Variants in HMOX2 observed in about 807,000 individuals in gnomAD.
HMOX2 encodes heme oxygenase (decycling) 2.
In HMOX2, 30 loss-of-function variants were observed where a neutral mutation model predicts 33.7. The ratio of observed to expected loss-of-function variants is 0.89; its 90% CI spans 0.67 to 1.21. The LOEUF (loss-of-function observed/expected upper bound fraction) is 1.21. HMOX2 is among the 50% of genes most tolerant of loss of function. The pLI is 0.00. For missense variants in HMOX2, 403 were observed against 399.1 expected, an observed-to-expected ratio of 1.01 and a Z score of -0.08; for synonymous variants, 155 against 155.0, an observed-to-expected ratio of 1.00 and a Z score of 0.00.
chr16:4,505,647 G>T (rs1393867649), intron 2 of HMOX2, 37 bp downstream of exon 2: 2 of 1,406,530 alleles, frequency 1.4e-6, no homozygotes, highest in Non-Finnish European at 2.0e-6. Flanking sequence ...AATCAGGTGG[G>T]CCCAGCACCT....
chr16:4,508,339 C>A (rs1596477835), intron 4 of HMOX2, 135 bp downstream of exon 4: 2 of 993,922 alleles, frequency 2.0e-6, no homozygotes, highest in East Asian at 5.0e-5. Flanking sequence ...AAGGTGGCCA[C>A]CAGATTGGCC....
At chr16:4,487,120 A>G (rs2090090910) in intron 1 of HMOX2, among the ~76,000 whole-genome samples, 1 of 152,076 alleles carries the variant, frequency 6.6e-6, no homozygotes, top group African/African-American at 2.4e-5. Flanking sequence ...TTAGCTAGAC[A>G]TGGTAGTGAA....
Position 4,510,041 on chromosome 16 carries a change from A to G in HMOX2, c.*285A>G. The G allele has an allele frequency of 4.2e-6, 2 of 472,998 alleles. No homozygotes were observed. The highest frequency in any genetic ancestry group is 7.0e-5 in the Admixed American group (2 of 28,608). The allele number at this position is 472,998 out of a possible 1,614,324, so 29.3% of individuals were successfully genotyped here. The stretch of plus-strand genomic sequence containing the variant: ...CCAGGCTTCCACACTTCTGGGCCCT[A>G]GGCTGCTTCCGGTAGTCCCTGTTTT... On this transcript the variant is annotated 3_prime_UTR_variant, in exon 6 of 6. Coordinates refer to ENST00000570646, the MANE Select transcript of HMOX2 (RefSeq NM_002134.4).
intron 1 of HMOX2, among the ~76,000 whole-genome samples, chr16:4,484,658 A>G (rs2058121648): frequency 6.6e-6 from 1 of 151,244 alleles, no homozygotes; most frequent in Admixed American, 6.6e-5. Context: ...GTGAGGTTTC[A>G]CCATATTGGC....
At chr16:4,502,082 G>A (rs2058573191) in intron 1 of HMOX2, among the ~76,000 whole-genome samples, 2 of 152,182 alleles carry the variant, frequency 1.3e-5, no homozygotes, top group Non-Finnish European at 2.9e-5. Context: ...CCACCACCAT[G>A]CCTGGCTCAT....
At chr16:4,489,724 G>A (rs900571038) in intron 1 of HMOX2, among the ~76,000 whole-genome samples, 3 of 152,128 alleles carry the variant, frequency 2.0e-5, no homozygotes, top group Non-Finnish European at 4.4e-5. Context: ...CTCCCAAGGC[G>A]CTGGGATTAC....
At chr16:4,508,923 C>T (rs1054059422) in intron 4 of HMOX2, among the ~76,000 whole-genome samples, 4 of 152,168 alleles carry the variant, frequency 2.6e-5, no homozygotes, top group Admixed American at 1.3e-4. Context: ...ATATCCACAC[C>T]TCCCCAGAGC....
At chr16:4,475,113 G>C (rs182567035), upstream of HMOX2, among the ~76,000 whole-genome samples, 1 of 151,752 alleles carries the variant, frequency 6.6e-6, no homozygotes, top group Admixed American at 6.6e-5. Flanking sequence ...CACCAAGCCC[G>C]GCTAATTTTT....
At chr16:4,496,656 A>T (rs934173227) in intron 1 of HMOX2, 1 of 152,164 alleles carries the variant, frequency 6.6e-6, no homozygotes, top group East Asian at 1.9e-4. Context: ...TTTAGTCTCA[A>T]CTTGACCATT....
At chr16:4,485,627 T>G (rs1490603877) in intron 1 of HMOX2, among the ~76,000 whole-genome samples, 1 of 152,156 alleles carries the variant, frequency 6.6e-6, no homozygotes, top group African/African-American at 2.4e-5. Flanking sequence ...CTTAGAGCAC[T>G]CAGGGTCTTA....
Position 4,507,791 on chromosome 16 carries a change from G to A in HMOX2, c.283G>A (p.Ala95Thr), listed in dbSNP as rs1402202708. The change falls in exon 4 of 6, where the codon GCC (alanine) becomes ACC (threonine). Residue 95 changes from alanine to threonine, a missense_variant. By Grantham distance (58) the Ala-to-Thr change is moderately conservative. Transcript: ENST00000570646. ...MERNKDHPAFAPLYFPMELHR... is the reference protein window; with the variant it reads ...MERNKDHPAFTPLYFPMELHR... ...GCGCAACAAGGACCATCCAGCCTTTGCCCCTTTGTACTTCCCCATGGAGCT... is the reference window on the plus strand; with the variant it reads ...GCGCAACAAGGACCATCCAGCCTTTACCCCTTTGTACTTCCCCATGGAGCT... The A allele has an allele frequency of 6.2e-7, 1 of 1,614,062 alleles. No homozygotes were observed. Among genetic ancestry groups the A allele is most frequent in the African/African-American group, 1.3e-5 (1 of 74,924 alleles).
Position 4,509,471 on chromosome 16 carries a change from G to C in HMOX2, c.756G>C (p.Gly252=). 6.2e-7 allele frequency: 1 copy of C among 1,614,182 alleles called. No homozygotes were observed. The highest frequency in any genetic ancestry group is 8.5e-7 in the Non-Finnish European group (1 of 1,180,016). ...TGGCCAGAGAGACCTTGGAGGATGG[G>C]TTCCCTGTACACGATGGGAAAGGAG... ...STLARETLED[G]FPVHDGKGDM... is the part of the protein sequence containing the mutation. Residue 252 remains glycine (G), a synonymous_variant, in exon 5 of 6, where the codon GGG becomes GGC. Coordinates refer to ENST00000570646, the MANE Select transcript of HMOX2 (RefSeq NM_002134.4).
chr16:4,484,548 C>T (rs1329072080), intron 1 of HMOX2, among the ~76,000 whole-genome samples: 1 of 150,778 alleles, frequency 6.6e-6, no homozygotes, highest in East Asian at 2.0e-4. Context: ...GCAATCTCCA[C>T]CTCCCGGGTT....
chr16:4,487,346 G>A (rs935990133), intron 1 of HMOX2, among the ~76,000 whole-genome samples: 1 of 152,152 alleles, frequency 6.6e-6, no homozygotes, highest in Non-Finnish European at 1.5e-5. Flanking sequence ...CTGAGATCAG[G>A]AGTTTGAGAC....
rs372381579 is a variant in HMOX2, at chr16:4,477,212, C to T, written c.-42+725C>T. Among the ~76,000 whole-genome samples the T allele has an allele frequency of 1.8e-3, 268 of 152,122 alleles. 4 individuals carry two copies. Among genetic ancestry groups the T allele is most frequent in the African/African-American group, 6.2e-3 (259 of 41,540 alleles). On this transcript the variant is annotated intron_variant, in intron 1 of 5. Transcript: ENST00000570646. ...TGCCTGTGTCATGCCATTTAAATCG[C>T]GTCTGGGCCGGGTCGGTGGCTCACG... is the stretch of plus-strand genomic sequence containing the variant.
chr16:4,505,288 T>TA (rs1252997207), intron 1 of HMOX2, among the ~76,000 whole-genome samples, 196 bp from the exon 2 acceptor site: 2 of 152,238 alleles, frequency 1.3e-5, no homozygotes, highest in Admixed American at 6.5e-5. Context: ...TATTACCTAA[T>TA]ACATTGTTCA....
chr16:4,494,052 C>CA (rs1453174563), intron 1 of HMOX2, among the ~76,000 whole-genome samples: 2 of 152,154 alleles, frequency 1.3e-5, no homozygotes, highest in African/African-American at 4.8e-5. Flanking sequence ...CACTGTGGCT[C>CA]ACGCCTGTAA....
At position 4,495,401 on chromosome 16, in the gene HMOX2, G is replaced by A. The variant is rs185725547; in HGVS notation, c.-41-10083G>A. On this transcript the variant is annotated intron_variant, in intron 1 of 5. Coordinates refer to ENST00000570646, the MANE Select transcript of HMOX2 (RefSeq NM_002134.4). ...CCCACCATAGGCACAGTCTATGTAG[G>A]ATGAGCCAACCATATGTGGAGTTAC... The A allele has an allele frequency of 8.5e-5, 13 of 152,340 alleles. No homozygotes were observed. In the East Asian group the frequency reaches 2.3e-3, roughly 27 times the overall value. The allele number at this position is 152,340 out of a possible 1,614,324, so 9.4% of individuals were successfully genotyped here. A position where few individuals can be genotyped will look rare whatever the true frequency, so the allele number is the denominator to read the frequency against.
chr16:4,495,219 G>T (rs2058390551), intron 1 of HMOX2, among the ~76,000 whole-genome samples: 1 of 152,162 alleles, frequency 6.6e-6, no homozygotes, highest in South Asian at 2.1e-4. Flanking sequence ...GGCACTCTTG[G>T]TGCCTTGTGC....
Sources: allele counts gnomAD v4.1 joint callset (sites outside exome capture counted in the v4.1 genomes callset), GRCh38; gene constraint gnomAD v4.1.1; transcripts MANE v1.5; gene names NCBI Gene and HGNC (gene_info 2026-07-23, HGNC 2026-07-21).